SMYD1: variants seen among roughly 807,000 people sequenced by gnomAD.
SMYD1 encodes histone-lysine N-methyltransferase SMYD1.
SMYD1 carries 49 observed loss-of-function variants against 54.0 expected under a neutral mutation model. That is an observed-to-expected ratio of 0.91 (90% confidence interval 0.72 to 1.15). The LOEUF is 1.15. SMYD1 is among the 50% of genes most tolerant of loss of function. SMYD1 has a pLI of 0.00. For synonymous variants in SMYD1, 269 were observed against 234.2 expected (o/e 1.15, Z -1.36); for missense variants, 653 against 639.6 (o/e 1.02, Z -0.23).
At chr2:88,087,638 C>T (rs1674362634) in intron 2 of SMYD1, among the ~76,000 whole-genome samples, 1 of 152,170 alleles carries the variant, frequency 6.6e-6, no homozygotes, top group African/African-American at 2.4e-5. Flanking sequence ...TATCATGCCA[C>T]CCTGTATTAT....
intron 7 of SMYD1, 78 bp downstream of exon 7, chr2:88,103,228 T>G: frequency 8.2e-7 from 1 of 1,219,856 alleles, no homozygotes. Flanking sequence ...GGAAGTGGCG[T>G]GAGAACGGGC....
Position 88,100,048 on chromosome 2 carries a change from C to A in SMYD1, c.889-3010C>A, listed in dbSNP as rs547740187. 9.2e-5 allele frequency among the ~76,000 whole-genome samples: 14 copies of A among 151,528 alleles called. No homozygotes were observed. The South Asian group carries it at 1.3e-3, about 14-fold the overall frequency. ...CCACCTCCTGCTCCTTCTCCTATGCCTCTGGCTCCTCCCCCCCTCTTCCTC... is the reference window on the plus strand; with the variant it reads ...CCACCTCCTGCTCCTTCTCCTATGCATCTGGCTCCTCCCCCCCTCTTCCTC... On this transcript the variant is annotated intron_variant, in intron 6 of 9. Transcript: ENST00000419482.
chr2:88,070,279 T>A (rs2919874), intron 1 of SMYD1, among the ~76,000 whole-genome samples: 1 of 152,036 alleles, frequency 6.6e-6, no homozygotes, highest in Non-Finnish European at 1.5e-5. Context: ...GATGAGAAAC[T>A]TGATTGCAGA....
At chr2:88,084,246 G>T (rs1053746406) in intron 1 of SMYD1, 70 bp from the exon 2 acceptor site, 17 of 1,336,360 alleles carry the variant, frequency 1.3e-5, no homozygotes, top group Non-Finnish European at 1.6e-5. Context: ...TGGAACACAG[G>T]TGTCCCACTG....
Position 88,108,506 on chromosome 2 carries a change from C to A in SMYD1, c.1281C>A (p.His427Gln). 1 of 1,606,590 alleles carries A rather than the reference C, an allele frequency of 6.2e-7. No individual in the cohort carries two copies. The highest frequency in any genetic ancestry group is 8.5e-7 in the Non-Finnish European group (1 of 1,176,680). The change falls in exon 9 of 10, where the codon CAC becomes CAA. Residue 427 changes from histidine (H) to glutamine (Q), a missense_variant. Transcript: ENST00000419482. ...CCTATGCCATTCTCCTGGTGACACA[C>A]GGACCCTCCCACCCCATCACTAAGG... ...CKAYAILLVTHGPSHPITKDL... is the reference protein window; with the variant it reads ...CKAYAILLVTQGPSHPITKDL...
In SMYD1 at chr2:88,104,744, A is replaced by T. The variant is rs893132659; in HGVS notation, c.982-1581A>T. On this transcript the variant is annotated intron_variant, in intron 7 of 9. Coordinates refer to ENST00000419482, the MANE Select transcript of SMYD1 (RefSeq NM_198274.4). ...CTGATTTCAAATGGAATTGTATGAC[A>T]TTTCTCCCATGAGAGCAGCAAAGGA... Among the ~76,000 whole-genome samples, 5 of 152,240 alleles carry T rather than the reference A, an allele frequency of 3.3e-5. No individual in the cohort carries two copies. In the East Asian group the frequency reaches 9.6e-4, roughly 29 times the overall value.
chr2:88,101,841 G>A (rs534331364), intron 6 of SMYD1, among the ~76,000 whole-genome samples: 14 of 152,264 alleles, frequency 9.2e-5, no homozygotes, highest in African/African-American at 3.4e-4. Flanking sequence ...CCTGACCTCA[G>A]GTAATCTGCC....
intron 7 of SMYD1, among the ~76,000 whole-genome samples, chr2:88,103,758 G>A (rs909938940): frequency 4.6e-5 from 7 of 152,170 alleles, no homozygotes; most frequent in Admixed American, 1.3e-4. Flanking sequence ...ACTGGCCTGC[G>A]GGGTATTTGC....
Position 88,113,213 on chromosome 2 carries a change from A to G in SMYD1, c.*2701A>G, listed in dbSNP as rs1675069948. 6.6e-6 allele frequency: 1 copy of G among 152,194 alleles called. No homozygotes were observed. Among genetic ancestry groups the G allele is most frequent in the Non-Finnish European group, 1.5e-5 (1 of 68,048 alleles). The allele number at this position is 152,194 out of a possible 1,614,324, so 9.4% of individuals were successfully genotyped here. A position where few individuals can be genotyped will look rare whatever the true frequency, so the allele number is the denominator to read the frequency against. ...TTCCTATCCCCAGAACCTTGCACAG[A>G]TCCTGGAATGTGGTAGGTGCTCAGT... On this transcript the variant is annotated 3_prime_UTR_variant, in exon 10 of 10. Transcript: ENST00000419482.
rs531362111 is a variant in SMYD1, at chr2:88,101,696, C to A, written c.889-1362C>A. Among the ~76,000 whole-genome samples the A allele has an allele frequency of 1.1e-4, 16 of 150,620 alleles. No homozygotes were observed. The East Asian group carries it at 3.1e-3, about 30-fold the overall frequency. ...TCTCGGCTCACTGCAACCTCCGCTTCCCAGGTTCAAGTGATTCTTGTGCCT... is the reference window on the plus strand; with the variant it reads ...TCTCGGCTCACTGCAACCTCCGCTTACCAGGTTCAAGTGATTCTTGTGCCT... On this transcript the variant is annotated intron_variant, in intron 6 of 9. Transcript: ENST00000419482.
chr2:88,082,956 A>G (rs916368499), intron 1 of SMYD1: 6 of 152,158 alleles, frequency 3.9e-5, no homozygotes, highest in Non-Finnish European at 8.8e-5. Flanking sequence ...CTCAGAAACA[A>G]TGAACTCCTT....
chr2:88,108,259 T>C (rs1674928395), intron 8 of SMYD1, 112 bp from the exon 9 acceptor site: 16 of 1,091,726 alleles, frequency 1.5e-5, no homozygotes, highest in Non-Finnish European at 1.8e-5. Context: ...CTTGCAGTGC[T>C]GAGGGGAAGA....
intron 2 of SMYD1, among the ~76,000 whole-genome samples, chr2:88,087,046 T>TA (rs1227830654): frequency 2.6e-4 from 3 of 11,536 alleles, no homozygotes; most frequent in Non-Finnish European, 5.7e-4. Flanking sequence ...TGCAAAAAAA[T>TA]AAAAATAAAT....
rs552617820 is a variant in SMYD1, at chr2:88,113,204, C to A, written c.*2692C>A. The A allele has an allele frequency of 2.0e-5, 3 of 152,190 alleles. No homozygotes were observed. The highest frequency in any genetic ancestry group is 4.4e-5 in the Non-Finnish European group (3 of 68,044). The allele number at this position is 152,190 out of a possible 1,614,324, so 9.4% of individuals were successfully genotyped here. On this transcript the variant is annotated 3_prime_UTR_variant, in exon 10 of 10. Coordinates refer to ENST00000419482, the MANE Select transcript of SMYD1 (RefSeq NM_198274.4). The stretch of plus-strand genomic sequence containing the variant: ...CTATTCATCTTCCTATCCCCAGAAC[C>A]TTGCACAGATCCTGGAATGTGGTAG...
intron 4 of SMYD1, among the ~76,000 whole-genome samples, chr2:88,091,437 T>C (rs921052268): frequency 6.6e-6 from 1 of 152,184 alleles, no homozygotes; most frequent in Non-Finnish European, 1.5e-5. Flanking sequence ...GGATTATCTG[T>C]CTAGAGGTCA....
At chr2:88,084,625 G>T (rs1040704004) in intron 2 of SMYD1, 133 bp downstream of exon 2, 10 of 795,094 alleles carry the variant, frequency 1.3e-5, no homozygotes, top group Non-Finnish European at 1.7e-5. Context: ...GACTGGATAT[G>T]GTCACTTCTC....
Position 88,089,583 on chromosome 2 carries a change from C to CTCTTTTTTTTTTTTT in SMYD1, c.529-1428_529-1427insCTTTTTTTTTTTTTT, listed in dbSNP as rs1481581789. Among the ~76,000 whole-genome samples, 3 of 114,992 alleles carry CTCTTTTTTTTTTTTT rather than the reference C, an allele frequency of 2.6e-5. 1 individual carries two copies. Among genetic ancestry groups the CTCTTTTTTTTTTTTT allele is most frequent in the Non-Finnish European group, 3.5e-5 (2 of 56,654 alleles). 75.4% of individuals were successfully genotyped at this position (114,992 alleles called of 152,430 possible). ...TATTTTCAGGAGCCAGAGCTTCTAC[C>CTCTTTTTTTTTTTTT]TGTTTTTTTTTTTTTTTTTTTTTTT... On this transcript the variant is annotated intron_variant, in intron 3 of 9. Coordinates refer to ENST00000419482, the MANE Select transcript of SMYD1 (RefSeq NM_198274.4).
intron 4 of SMYD1, among the ~76,000 whole-genome samples, chr2:88,091,619 G>A (rs868655870): frequency 6.6e-6 from 1 of 152,264 alleles, no homozygotes; most frequent in Middle Eastern, 3.4e-3. Context: ...CCGAGGAGGG[G>A]GCGGATCACT....
chr2:88,094,713 C>G (rs1482516693), intron 5 of SMYD1, among the ~76,000 whole-genome samples: 4 of 152,176 alleles, frequency 2.6e-5, no homozygotes, highest in African/African-American at 9.7e-5. Context: ...AGAATTGGCA[C>G]AATCATGATG....
Sources: allele counts gnomAD v4.1 joint callset (sites outside exome capture counted in the v4.1 genomes callset), GRCh38; gene constraint gnomAD v4.1.1; transcripts MANE v1.5; gene names NCBI Gene and HGNC (gene_info 2026-07-23, HGNC 2026-07-21).